Variants in DPP6 observed in about 807,000 individuals in gnomAD.
DPP6 encodes the protein A-type potassium channel modulatory protein DPP6.
In DPP6, 69 loss-of-function variants were observed where a neutral mutation model predicts 122.6. That is an observed-to-expected ratio of 0.56 (90% CI 0.46 to 0.69). DPP6 has a LOEUF of 0.69. Ranked by LOEUF, DPP6 falls within the 30% of genes least tolerant of loss-of-function variation. The pLI is 0.00. For synonymous variants in DPP6, 418 were observed against 433.1 expected (o/e 0.97, Z 0.43); for missense variants, 928 against 1,116.9 (o/e 0.83, Z 2.41).
intron 1 of DPP6, among the ~76,000 whole-genome samples, chr7:154,090,081 C>G (rs1262786832): frequency 6.6e-6 from 1 of 152,164 alleles, no homozygotes; most frequent in Non-Finnish European, 1.5e-5. Context: ...GCCTTGGAAG[C>G]CTCAGTTCCT....
intron 16 of DPP6, among the ~76,000 whole-genome samples, chr7:154,811,961 T>C (rs951620311): frequency 6.6e-6 from 1 of 152,186 alleles, no homozygotes; most frequent in Non-Finnish European, 1.5e-5. Context: ...TTTTTTAGGT[T>C]GAGGATAAAT....
chr7:154,258,612 A>G (rs150620768), intron 1 of DPP6, among the ~76,000 whole-genome samples: 2 of 152,356 alleles, frequency 1.3e-5, no homozygotes, highest in East Asian at 3.9e-4. Context: ...GATCATACCC[A>G]AGTGCGTTTT....
intron 7 of DPP6, among the ~76,000 whole-genome samples, chr7:154,673,610 A>G (rs2131126604): frequency 6.6e-6 from 1 of 152,270 alleles, no homozygotes; most frequent in African/African-American, 2.4e-5. Flanking sequence ...ACAAATGACA[A>G]GATTGCTTCC....
intron 1 of DPP6, among the ~76,000 whole-genome samples, chr7:154,322,778 A>T: frequency 6.6e-6 from 1 of 152,236 alleles, no homozygotes; most frequent in Admixed American, 6.5e-5. Flanking sequence ...GTTTATAGGC[A>T]GTAAACATTG....
At chr7:153,963,161 T>C (rs1171441969) in intron 1 of DPP6, among the ~76,000 whole-genome samples, 2 of 152,020 alleles carry the variant, frequency 1.3e-5, no homozygotes, top group Non-Finnish European at 2.9e-5. Context: ...AAAGGGAAGC[T>C]AATGTGAGGG....
intron 1 of DPP6, among the ~76,000 whole-genome samples, chr7:154,207,644 C>CT (rs1332446033): frequency 6.6e-6 from 1 of 152,210 alleles, no homozygotes; most frequent in East Asian, 1.9e-4. Context: ...GATTTTCACT[C>CT]TAACTACAAA....
chr7:154,105,363 G>A (rs927146958), intron 1 of DPP6, among the ~76,000 whole-genome samples: 2 of 152,196 alleles, frequency 1.3e-5, no homozygotes, highest in African/African-American at 4.8e-5. Context: ...ACTAGCCTGG[G>A]ATTCCAGGCC....
intron 1 of DPP6, among the ~76,000 whole-genome samples, chr7:153,989,590 G>A (rs1444213151): frequency 1.3e-5 from 2 of 151,952 alleles, no homozygotes; most frequent in South Asian, 2.1e-4. Context: ...CCCCAGCTGC[G>A]GTCCAGGGAG....
intron 1 of DPP6, among the ~76,000 whole-genome samples, chr7:154,342,433 C>T (rs1342181822): frequency 1.3e-5 from 2 of 152,214 alleles, no homozygotes; most frequent in Non-Finnish European, 2.9e-5. Context: ...TTTCTCAATG[C>T]ATTAAACTTT....
intron 1 of DPP6, among the ~76,000 whole-genome samples, chr7:154,126,700 A>C (rs925289574): frequency 3.3e-5 from 5 of 151,502 alleles, no homozygotes; most frequent in Non-Finnish European, 7.4e-5. Flanking sequence ...TGCACCTGGA[A>C]ATGGGGTTGA....
At chr7:154,753,733 G>A (rs1425697148) in intron 8 of DPP6, among the ~76,000 whole-genome samples, 4 of 152,204 alleles carry the variant, frequency 2.6e-5, no homozygotes, top group Admixed American at 2.6e-4. Context: ...GCGGTCAGGA[G>A]TGGCTCAGCC....
intron 1 of DPP6, among the ~76,000 whole-genome samples, chr7:153,902,882 A>G (rs1799697533): frequency 6.6e-6 from 1 of 152,196 alleles, no homozygotes; most frequent in Admixed American, 6.5e-5. Flanking sequence ...TAAAGCTCTA[A>G]GAAAAAGGAG....
intron 1 of DPP6, among the ~76,000 whole-genome samples, chr7:153,995,439 A>C (rs973902257): frequency 6.6e-6 from 1 of 152,066 alleles, no homozygotes; most frequent in African/African-American, 2.4e-5. Flanking sequence ...ACAAAAAATT[A>C]GCCAGGGGTG....
the DPP6 span, among the ~76,000 whole-genome samples, chr7:153,773,779 C>A: frequency 6.7e-6 from 1 of 149,836 alleles, no homozygotes; most frequent in African/African-American, 2.5e-5. Flanking sequence ...ATCATCTAAG[C>A]TTCCCTCTTA....
intron 1 of DPP6, chr7:154,305,614 G>C: frequency 6.5e-7 from 1 of 1,544,742 alleles, no homozygotes; most frequent in Middle Eastern, 1.7e-4. Flanking sequence ...GTGCATATGT[G>C]TGTGCATGAG....
intron 5 of DPP6, chr7:154,588,124 A>G: frequency 6.4e-7 from 1 of 1,574,358 alleles, no homozygotes; most frequent in Non-Finnish European, 8.6e-7. Context: ...TTGTTCCTTC[A>G]ACACTGGTGG....
chr7:154,887,583 C>A, intron 22 of DPP6, 93 bp from the exon 23 acceptor site: 1 of 1,305,282 alleles, frequency 7.7e-7, no homozygotes, highest in Non-Finnish European at 1.1e-6. Context: ...GTCCTCACCC[C>A]GCACCCGGTC....
chr7:154,186,091 T>C (rs1193285593), intron 1 of DPP6, among the ~76,000 whole-genome samples: 2 of 152,226 alleles, frequency 1.3e-5, no homozygotes. Flanking sequence ...TGCCCTGTAT[T>C]ACCCATCAGT....
rs557206275 is a variant in DPP6 at position 154,145,568 on chromosome 7, T to C, written c.243+92505T>C. 4.9e-3 allele frequency among the ~76,000 whole-genome samples: 730 copies of C among 149,308 alleles called. 3 individuals carry two copies. The highest frequency in any genetic ancestry group is 0.017 in the African/African-American group (697 of 40,718). On this transcript the variant is annotated intron_variant, in intron 1 of 25. Coordinates refer to ENST00000377770, the MANE Select transcript of DPP6 (RefSeq NM_130797.4). ...GGTAGGTTTATAGGATTTTGTCACA[T>C]TGAAATGGAGAGTGAATGTGTCAGT...
Sources: allele counts gnomAD v4.1 joint callset (sites outside exome capture counted in the v4.1 genomes callset), GRCh38; gene constraint gnomAD v4.1.1; transcripts MANE v1.5; gene names NCBI Gene and HGNC (gene_info 2026-07-23, HGNC 2026-07-21).